KIF4A: variants seen among roughly 807,000 people sequenced by gnomAD.
The protein encoded by KIF4A is kinesin family member 4A.
KIF4A carries 7 observed loss-of-function variants against 105.9 expected under a neutral mutation model. That is an observed-to-expected ratio of 0.07 (90% CI 0.04 to 0.12). KIF4A has a LOEUF of 0.12. Ranked by LOEUF, KIF4A falls within the 10% of genes least tolerant of loss-of-function variation. The pLI, the probability that KIF4A is intolerant of heterozygous loss-of-function variation, is 1.00. For missense variants in KIF4A, 558 were observed against 929.2 expected, an observed-to-expected ratio of 0.60 and a Z score of 5.19; for synonymous variants, 281 against 331.3, an observed-to-expected ratio of 0.85 and a Z score of 1.65.
rs2085939562 is a variant in KIF4A, at chrX:70,333,572, GGGT to G, written c.1072-55_1072-53del. ...CTAATTGTGGTAATTTTACTGCCAA[GGGT>G]TAAGTAGCATTTGGTTGGTGACTAG... On this transcript the variant is annotated intron_variant, in intron 9 of 30. Transcript: ENST00000374403. 27 of 850,066 alleles carry G rather than the reference GGGT, an allele frequency of 3.2e-5. No homozygotes were observed. In the South Asian group the frequency reaches 5.2e-4, roughly 17 times the overall value. The allele number at this position is 850,066 out of a possible 1,213,427, so 70.1% of individuals were successfully genotyped here.
At chrX:70,329,544 A>G in intron 8 of KIF4A, 23 bp downstream of exon 8, 1 of 1,123,466 alleles carries the variant, frequency 8.9e-7, no homozygotes, top group Non-Finnish European at 1.2e-6. Context: ...TGCCTCCAAA[A>G]ATAAGAGAGT....
chrX:70,367,643 T>A (rs955872940), intron 15 of KIF4A, among the ~76,000 whole-genome samples: 1 of 112,223 alleles, frequency 8.9e-6, no homozygotes, highest in Admixed American at 9.5e-5. Flanking sequence ...TGGGCTTCCC[T>A]TTGTGGGTAA....
chrX:70,318,902 G>A (rs1437083483), intron 7 of KIF4A, among the ~76,000 whole-genome samples: 2 of 112,063 alleles, frequency 1.8e-5, no homozygotes, highest in African/African-American at 6.5e-5. Context: ...CCCACCCTGT[G>A]TGTTTTGCAC....
Position 70,313,878 on chromosome X carries a change from C to T in KIF4A, c.778+11480C>T, listed in dbSNP as rs187210874. Among the ~76,000 whole-genome samples the T allele has an allele frequency of 9.5e-3, 1,068 of 112,384 alleles. 11 individuals carry two copies. Among genetic ancestry groups the T allele is most frequent in the African/African-American group, 0.033 (1,014 of 30,969 alleles). ...ATCTTAGCTTCAGAGCTTCAATTTC[C>T]TCATTTGTAAAATAGGATTTGAATA... is the stretch of plus-strand genomic sequence containing the variant. On this transcript the variant is annotated intron_variant, in intron 7 of 30. Transcript: ENST00000374403.
chrX:70,329,661 G>GT lies in KIF4A; in HGVS notation c.895+142dup, dbSNP rs776517231. 4.9e-5 allele frequency: 23 copies of GT among 468,154 alleles called. No homozygotes were observed. In the African/African-American group the frequency reaches 5.3e-4, roughly 11 times the overall value. The allele number at this position is 468,154 out of a possible 1,213,427, so 38.6% of individuals were successfully genotyped here. A position where few individuals can be genotyped will look rare whatever the true frequency, so the allele number is the denominator to read the frequency against. ...TAATTGATAAATACGAGAGAGTGCT[G>GT]TTGGCAAGCAGGTTTCTAAGATAAT... is the stretch of plus-strand genomic sequence containing the variant. On this transcript the variant is annotated intron_variant, in intron 8 of 30. Transcript: ENST00000374403.
At chrX:70,329,643 T>C in intron 8 of KIF4A, 122 bp downstream of exon 8, 1 of 528,370 alleles carries the variant, frequency 1.9e-6, no homozygotes, top group Non-Finnish European at 3.1e-6. Flanking sequence ...GTCTAATTGA[T>C]AAATACGAGA....
chrX:70,296,892 G>C (rs1279014621), intron 3 of KIF4A, 106 bp from the exon 4 acceptor site: 13 of 889,596 alleles, frequency 1.5e-5, no homozygotes, highest in Non-Finnish European at 9.5e-6. Context: ...ACTGTATTAA[G>C]AGAGCAATCT....
rs2086257352 is a variant in KIF4A, at chrX:70,395,815, C to T, written c.2377C>T (p.Pro793Ser). 4 of 1,211,515 alleles carry T rather than the reference C, an allele frequency of 3.3e-6. No homozygotes were observed. The highest frequency in any genetic ancestry group is 4.5e-6 in the Non-Finnish European group (4 of 895,368). Residue 793 changes from proline (P) to serine (S), a missense_variant, in exon 21 of 31, where the codon CCT becomes TCT. Around this residue, in one of 2 missense-constraint regions of KIF4A, gnomAD observed 469 missense variants for 680.4 expected, o/e 0.69. Coordinates refer to ENST00000374403, the MANE Select transcript of KIF4A (RefSeq NM_012310.5). ...AAAGGAATCTGGGGAGAATCCACCTCCTAAACTCCGGGTAAGTACGCTTAT... is the reference window on the plus strand; with the variant it reads ...AAAGGAATCTGGGGAGAATCCACCTTCTAAACTCCGGGTAAGTACGCTTAT... Reference protein sequence around the residue: ...EKKESGENPPPKLRRRTFSLT... With the variant: ...EKKESGENPPSKLRRRTFSLT...
chrX:70,405,511 G>T (rs73215000), intron 25 of KIF4A, among the ~76,000 whole-genome samples: 2 of 111,306 alleles, frequency 1.8e-5, no homozygotes, highest in African/African-American at 6.5e-5. Flanking sequence ...GTTTCTGCGG[G>T]TTTCTTAATC....
chrX:70,375,543 G>A (rs2086171594), intron 17 of KIF4A, among the ~76,000 whole-genome samples, 195 bp downstream of exon 17: 2 of 111,786 alleles, frequency 1.8e-5, no homozygotes, highest in Admixed American at 9.6e-5. Context: ...TTAATAAAAC[G>A]TTGCTTTGAC....
intron 15 of KIF4A, among the ~76,000 whole-genome samples, chrX:70,371,427 T>TC (rs1055244419): frequency 6.3e-5 from 7 of 110,992 alleles, no homozygotes; most frequent in African/African-American, 9.8e-5. Flanking sequence ...TCCCCACCTT[T>TC]CCCCCCGCTC....
chrX:70,391,975 A>C (rs1399007858), intron 20 of KIF4A, among the ~76,000 whole-genome samples: 1 of 111,743 alleles, frequency 8.9e-6, no homozygotes, highest in Non-Finnish European at 1.9e-5. Context: ...TGGCTGTGTA[A>C]TATTCCATTC....
intron 2 of KIF4A, 27 bp downstream of exon 2, chrX:70,290,605 T>C: frequency 8.3e-7 from 1 of 1,210,001 alleles, no homozygotes; most frequent in South Asian, 1.8e-5. Context: ...AGAGCCTGTG[T>C]CTGAACAGCT....
intron 17 of KIF4A, 60 bp from the exon 18 acceptor site, chrX:70,376,040 C>T (rs769928851): frequency 1.1e-4 from 87 of 793,522 alleles, no homozygotes; most frequent in East Asian, 1.0e-3. Context: ...TCTATCCATC[C>T]GCACCAGCCT....
chrX:70,358,330 C>T (rs1422036904), intron 15 of KIF4A, among the ~76,000 whole-genome samples: 1 of 111,296 alleles, frequency 9.0e-6, no homozygotes, highest in Non-Finnish European at 1.9e-5. Flanking sequence ...TACATTTTCT[C>T]TGTTTTCTCT....
intron 3 of KIF4A, among the ~76,000 whole-genome samples, chrX:70,292,169 C>T (rs2085763780): frequency 1.8e-5 from 2 of 111,951 alleles, no homozygotes; most frequent in African/African-American, 6.5e-5. Flanking sequence ...GGACTTTCTT[C>T]TAAGTTACCA....
intron 22 of KIF4A, among the ~76,000 whole-genome samples, chrX:70,397,975 C>T (rs944644780): frequency 6.2e-5 from 7 of 112,274 alleles, no homozygotes; most frequent in African/African-American, 2.3e-4. Context: ...AGAATTTTTA[C>T]ACCACAGAAA....
chrX:70,363,743 T>C lies in KIF4A; in HGVS notation c.1674+9936T>C, dbSNP rs757719100. ...TTATAGCAACATAATTTATAATCCT[T>C]TGGGTATATACCCAGTAATGGGATG... On this transcript the variant is annotated intron_variant, in intron 15 of 30. Coordinates refer to ENST00000374403, the MANE Select transcript of KIF4A (RefSeq NM_012310.5). Among the ~76,000 whole-genome samples, 139 of 112,271 alleles carry C rather than the reference T, an allele frequency of 1.2e-3. 1 individual carries two copies. The highest frequency in any genetic ancestry group is 4.3e-3 in the African/African-American group (134 of 30,937).
At chrX:70,416,649 T>G (rs1323799785) in intron 28 of KIF4A, among the ~76,000 whole-genome samples, 1 of 112,044 alleles carries the variant, frequency 8.9e-6, no homozygotes, top group Admixed American at 9.5e-5. Context: ...TTAAGCTAGA[T>G]CACTCCCCAT....
Sources: gnomAD v4.1 joint callset for allele counts (sites outside exome capture counted in the v4.1 genomes callset) on GRCh38, gnomAD v4.1.1 for gene constraint, gnomAD v4.1.1 regional missense constraint, MANE v1.5 for transcripts, NCBI Gene and HGNC (gene_info 2026-07-23, HGNC 2026-07-21) for gene names.